GLIS3: variants seen among roughly 807,000 people sequenced by gnomAD.
The protein encoded by GLIS3 is zinc finger protein GLIS3.
Under a neutral mutation model 78.6 loss-of-function variants are expected in GLIS3, and 53 were observed. The observed-to-expected ratio is 0.67, with a 90% confidence interval of 0.54 to 0.85. GLIS3 has a LOEUF of 0.85. Ranked by LOEUF, GLIS3 falls within the 40% of genes least tolerant of loss-of-function variation. The pLI is 0.00. For missense variants in GLIS3, 1,703 were observed against 1,231.1 expected (o/e 1.38, Z -5.74); for synonymous variants, 684 against 509.9 (o/e 1.34, Z -4.60).
chr9:4,013,771 T>A (rs912125778), intron 4 of GLIS3, among the ~76,000 whole-genome samples: 5 of 152,226 alleles, frequency 3.3e-5, no homozygotes, highest in African/African-American at 1.2e-4. Context: ...AACTCCTCCA[T>A]GAATTAGTAT....
At chr9:4,097,067 G>A (rs545987397) in intron 4 of GLIS3, among the ~76,000 whole-genome samples, 13 of 152,086 alleles carry the variant, frequency 8.5e-5, no homozygotes, top group Admixed American at 4.6e-4. Flanking sequence ...GGTGAGATAC[G>A]CTGGAAGCAA....
At chr9:4,355,483 CT>C in the GLIS3 span, among the ~76,000 whole-genome samples, 1 of 152,108 alleles carries the variant, frequency 6.6e-6, no homozygotes, top group Admixed American at 6.6e-5. Flanking sequence ...GACAAGTTTC[CT>C]TTGACACAGT....
intron 2 of GLIS3, among the ~76,000 whole-genome samples, chr9:4,262,427 G>A (rs187916469): frequency 5.7e-4 from 86 of 152,198 alleles, no homozygotes; most frequent in Admixed American, 2.3e-3. Flanking sequence ...CGGGATGGGG[G>A]CCCAAGAGGC....
intron 2 of GLIS3, among the ~76,000 whole-genome samples, chr9:4,132,249 G>A (rs549467877): frequency 6.6e-5 from 10 of 152,214 alleles, no homozygotes; most frequent in Admixed American, 1.3e-4. Context: ...TAAGTGGATG[G>A]CATTCTGAGT....
At chr9:4,066,547 A>T (rs17740324) in intron 4 of GLIS3, among the ~76,000 whole-genome samples, 7,143 of 152,220 alleles carry the variant, frequency 0.047, 500 homozygotes, top group East Asian at 0.23. Context: ...TGACCAGGTA[A>T]TGTAAAACTG....
At chr9:4,151,525 T>G (rs1389836672) in intron 2 of GLIS3, among the ~76,000 whole-genome samples, 2 of 152,100 alleles carry the variant, frequency 1.3e-5, no homozygotes, top group Non-Finnish European at 2.9e-5. Context: ...GACAGCATAA[T>G]TTTTTTAAAG....
the GLIS3 span, among the ~76,000 whole-genome samples, chr9:4,365,863 C>T: frequency 6.6e-6 from 1 of 152,214 alleles, no homozygotes; most frequent in African/African-American, 2.4e-5. Flanking sequence ...TAAAACACAA[C>T]ACCCCTCCAC....
At chr9:4,035,096 A>G (rs1007458373) in intron 4 of GLIS3, 1 of 152,206 alleles carries the variant, frequency 6.6e-6, no homozygotes, top group Non-Finnish European at 1.5e-5. Context: ...ACACTAGTCT[A>G]AAAGTACTAG....
chr9:3,892,561 C>G (rs897296516), intron 7 of GLIS3, among the ~76,000 whole-genome samples: 2 of 152,148 alleles, frequency 1.3e-5, no homozygotes, highest in African/African-American at 4.8e-5. Context: ...AGTTATAATT[C>G]ATTAATGTCC....
chr9:3,828,379 G>T lies in GLIS3; in HGVS notation c.2686C>A (p.Leu896Ile), dbSNP rs76094493. ...CCGCTGCGGAGAGACTCCCCAAAGA[G>T]GCTCGAGGAACTTGAAGGTAAATCA... is the stretch of plus-strand genomic sequence containing the variant. Reference protein sequence around the residue: ...VYDLPSSSSSLFGESLRSGAE... With the variant: ...VYDLPSSSSSIFGESLRSGAE... The change falls in exon 11 of 11, where the codon CTC becomes ATC. Residue 896 changes from leucine (L) to isoleucine (I), a missense_variant. Coordinates refer to ENST00000381971, the MANE Select transcript of GLIS3 (RefSeq NM_001042413.2). The T allele has an allele frequency of 5.6e-6, 9 of 1,613,568 alleles. No individual in the cohort carries two copies. The highest frequency in any genetic ancestry group is 7.6e-6 in the Non-Finnish European group (9 of 1,180,026).
At chr9:3,943,053 A>G (rs1161118467) in intron 4 of GLIS3, among the ~76,000 whole-genome samples, 1 of 152,182 alleles carries the variant, frequency 6.6e-6, no homozygotes. Context: ...AAGAATCACA[A>G]GAAAGACTGT....
the GLIS3 span, among the ~76,000 whole-genome samples, chr9:4,400,014 A>G: frequency 1.3e-5 from 2 of 152,184 alleles, no homozygotes; most frequent in Non-Finnish European, 2.9e-5. Flanking sequence ...GGGCAATGGG[A>G]TGAGACAAGG....
At chr9:4,456,239 T>G in the GLIS3 span, among the ~76,000 whole-genome samples, 2 of 152,252 alleles carry the variant, frequency 1.3e-5, no homozygotes, top group Non-Finnish European at 2.9e-5. Flanking sequence ...ATGTGAGCCC[T>G]CAGAAAGTTG....
the GLIS3 span, among the ~76,000 whole-genome samples, chr9:4,444,155 T>C: frequency 6.6e-6 from 1 of 152,208 alleles, no homozygotes; most frequent in Non-Finnish European, 1.5e-5. Flanking sequence ...GTTTGAAATG[T>C]GATCCAGTTT....
At chr9:4,056,729 G>A (rs752545194) in intron 4 of GLIS3, among the ~76,000 whole-genome samples, 3 of 151,924 alleles carry the variant, frequency 2.0e-5, no homozygotes, top group East Asian at 1.9e-4. Flanking sequence ...ACCCCACCAC[G>A]CACACACAAA....
In GLIS3 at chr9:3,824,399, A is replaced by T. The variant is rs1284241525; in HGVS notation, c.*3873T>A. 1.2e-4 allele frequency: 19 copies of T among 152,546 alleles called. No individual in the cohort carries two copies. Among genetic ancestry groups the T allele is most frequent in the Admixed American group, 1.2e-3 (19 of 15,274 alleles). 9.4% of individuals were successfully genotyped at this position (152,546 alleles called of 1,614,324 possible). ...TGATGGTAAAACAAAACAAAAAAACAAACAAACAAACAATGATGGTTGCCA... is the reference window on the plus strand; with the variant it reads ...TGATGGTAAAACAAAACAAAAAAACTAACAAACAAACAATGATGGTTGCCA... On this transcript the variant is annotated 3_prime_UTR_variant, in exon 11 of 11. Transcript: ENST00000381971.
intron 8 of GLIS3, among the ~76,000 whole-genome samples, chr9:3,867,053 T>C (rs1244517993): frequency 6.6e-6 from 1 of 152,196 alleles, no homozygotes. Context: ...GTGAGAGTGT[T>C]TGGGAAAAGG....
chr9:4,364,340 G>A, the GLIS3 span, among the ~76,000 whole-genome samples: 1 of 152,266 alleles, frequency 6.6e-6, no homozygotes, highest in Admixed American at 6.5e-5. Context: ...CAGAAACAGT[G>A]TATAGCATAC....
intron 4 of GLIS3, among the ~76,000 whole-genome samples, chr9:3,946,000 G>A (rs1816271615): frequency 6.6e-6 from 1 of 152,168 alleles, no homozygotes; most frequent in Non-Finnish European, 1.5e-5. Flanking sequence ...TAATTAAGCA[G>A]CACGTTGCTT....
Sources: gnomAD v4.1 joint callset for allele counts (sites outside exome capture counted in the v4.1 genomes callset) on GRCh38, gnomAD v4.1.1 for gene constraint, MANE v1.5 for transcripts, NCBI Gene and HGNC (gene_info 2026-07-23, HGNC 2026-07-21) for gene names.